ZNF106: variants seen among roughly 807,000 people sequenced by gnomAD.
ZNF106 encodes the protein SH3-domain binding protein 3.
ZNF106 carries 67 observed loss-of-function variants against 195.1 expected under a neutral mutation model. That is an observed-to-expected ratio of 0.34 (90% confidence interval 0.28 to 0.42). The LOEUF (loss-of-function observed/expected upper bound fraction) is 0.42, where lower values mean the gene tolerates loss of function less well. ZNF106 is among the 10% of genes least tolerant of loss of function. The pLI, the probability that ZNF106 is intolerant of heterozygous loss-of-function variation, is 1.00. For missense variants in ZNF106, 2,118 were observed against 2,304.5 expected (o/e 0.92, Z 1.66); for synonymous variants, 784 against 818.6 (o/e 0.96, Z 0.72).
Position 42,448,213 on chromosome 15 carries a change from T to C in ZNF106, c.2994A>G (p.Gly998=). The C allele has an allele frequency of 6.2e-7, 1 of 1,614,162 alleles. No homozygotes were observed. Among genetic ancestry groups the C allele is most frequent in the Non-Finnish European group, 8.5e-7 (1 of 1,180,026 alleles). The change falls in exon 6 of 22, where the codon GGA becomes GGG. Residue 998 remains glycine (G), a synonymous_variant. Transcript: ENST00000564754. ...CGCTTGATGACAGACAGTTTCCCTC[T>C]CCATTACTCTCCTGGGAATTCTGAT... ...SENQNSQESN[G]EGNCLSSSAS... is the part of the protein sequence containing the mutation.
intron 2 of ZNF106, among the ~76,000 whole-genome samples, chr15:42,466,985 T>C (rs941807770): frequency 5.9e-5 from 9 of 152,062 alleles, no homozygotes; most frequent in African/African-American, 2.2e-4. Context: ...ATACAAAAAT[T>C]AGCTGGGCGT....
intron 14 of ZNF106, among the ~76,000 whole-genome samples, chr15:42,432,564 G>A (rs903524673): frequency 2.0e-5 from 3 of 151,942 alleles, no homozygotes; most frequent in African/African-American, 4.8e-5. Context: ...AACCTATTTT[G>A]TCTTTACATT....
In ZNF106 at chr15:42,430,877, T is replaced by A. The variant is rs115823124; in HGVS notation, c.4882-2743A>T. Reference sequence around the variant, plus strand: ...CCTAGCTAGGCTTGAACTCCTGGCCTCAAATGATCCTCCCACCTCAACATC... The same window carrying A: ...CCTAGCTAGGCTTGAACTCCTGGCCACAAATGATCCTCCCACCTCAACATC... On this transcript the variant is annotated intron_variant, in intron 14 of 21. Transcript: ENST00000564754. 9.3e-3 allele frequency among the ~76,000 whole-genome samples: 1,412 copies of A among 152,080 alleles called. 50 individuals are homozygous for A. Among genetic ancestry groups the A allele is most frequent in the African/African-American group, 0.033 (1,361 of 41,338 alleles).
At chr15:42,461,568 G>A (rs919372836) in intron 3 of ZNF106, among the ~76,000 whole-genome samples, 4 of 152,100 alleles carry the variant, frequency 2.6e-5, no homozygotes, top group Non-Finnish European at 5.9e-5. Context: ...TGTTACTTAC[G>A]GCCCACACAT....
In ZNF106 at chr15:42,441,959, T is replaced by C. The variant is rs140275387; in HGVS notation, c.3763+114A>G. The C allele has an allele frequency of 1.4e-3, 1,033 of 722,312 alleles. 9 individuals carry two copies. In the African/African-American group the frequency reaches 0.017, roughly 12 times the overall value. 44.7% of individuals were successfully genotyped at this position (722,312 alleles called of 1,614,324 possible). A position where few individuals can be genotyped will look rare whatever the true frequency, so the allele number is the denominator to read the frequency against. ...TATGAAGAGAATTCCAGTGACAAAT[T>C]AGTTGTACTTGCTCATTTTAGTTTT... On this transcript the variant is annotated intron_variant, in intron 10 of 21. Coordinates refer to ENST00000564754, the MANE Select transcript of ZNF106 (RefSeq NM_001366845.3).
chr15:42,427,008 T>C (rs2054884911), intron 15 of ZNF106, among the ~76,000 whole-genome samples: 1 of 152,194 alleles, frequency 6.6e-6, no homozygotes, highest in Non-Finnish European at 1.5e-5. Flanking sequence ...ACACCTTCTG[T>C]TAGTTCCAGC....
At chr15:42,457,303 T>C in intron 3 of ZNF106, 145 bp from the exon 4 acceptor site, 1 of 1,516,524 alleles carries the variant, frequency 6.6e-7, no homozygotes, top group East Asian at 2.3e-5. Flanking sequence ...GCTCCTTTCA[T>C]CACTTTTAAT....
chr15:42,436,610 AGTTT>A (rs2055283284), intron 13 of ZNF106, among the ~76,000 whole-genome samples: 1 of 152,226 alleles, frequency 6.6e-6, no homozygotes, highest in African/African-American at 2.4e-5. Context: ...AAACATAATT[AGTTT>A]ATTAACAAAT....
At chr15:42,427,167 C>T (rs924101337) in intron 15 of ZNF106, among the ~76,000 whole-genome samples, 1 of 152,202 alleles carries the variant, frequency 6.6e-6, no homozygotes, top group Non-Finnish European at 1.5e-5. Flanking sequence ...CCCTTCTCTT[C>T]ATCCTGTTTA....
At chr15:42,452,453 G>A (rs1341105865) in intron 4 of ZNF106, among the ~76,000 whole-genome samples, 13 of 151,984 alleles carry the variant, frequency 8.6e-5, no homozygotes, top group Admixed American at 7.9e-4. Flanking sequence ...AACCCAGGAG[G>A]TGGAGGTTGC....
chr15:42,419,689 C>T (rs7166604), intron 20 of ZNF106, among the ~76,000 whole-genome samples: 63,089 of 152,084 alleles, frequency 0.41, 18,928 homozygotes, highest in African/African-American at 0.85. Context: ...CTGTGGCTCA[C>T]GCCTGTCATC....
At position 42,448,129 on chromosome 15, in the gene ZNF106, G is replaced by C; in HGVS notation, c.3078C>G (p.Thr1026=). Residue 1026 remains threonine, a synonymous_variant, in exon 6 of 22, where the codon ACC becomes ACG. Coordinates refer to ENST00000564754, the MANE Select transcript of ZNF106 (RefSeq NM_001366845.3). ...LADAATDSSC[T]SGAEQNDGQS... ...GGCCATCATTTTGTTCAGCACCAGA[G>C]GTACAGCTACTATCTGTGGCTGCAT... is the stretch of plus-strand genomic sequence containing the variant. 6.2e-7 allele frequency: 1 copy of C among 1,614,134 alleles called. No homozygotes were observed. The highest frequency in any genetic ancestry group is 1.1e-5 in the South Asian group (1 of 91,078).
intron 3 of ZNF106, among the ~76,000 whole-genome samples, chr15:42,458,791 C>CT (rs920875351): frequency 2.3e-4 from 32 of 141,184 alleles, no homozygotes; most frequent in Middle Eastern, 3.6e-3. Context: ...AAGGTGTTTT[C>CT]TTTTTTTTTT....
At chr15:42,420,770 T>A (rs2141257658) in intron 20 of ZNF106, among the ~76,000 whole-genome samples, 1 of 152,304 alleles carries the variant, frequency 6.6e-6, no homozygotes, top group African/African-American at 2.4e-5. Context: ...AACCAAACCA[T>A]TAACACTAGT....
intron 2 of ZNF106, 42 bp from the exon 3 acceptor site, chr15:42,466,156 C>CT: frequency 6.5e-6 from 9 of 1,386,392 alleles, no homozygotes; most frequent in Admixed American, 2.7e-5. Context: ...AGCAGGATTG[C>CT]TTTGAAAAAA....
intron 1 of ZNF106, among the ~76,000 whole-genome samples, chr15:42,477,564 C>T (rs1374097955): frequency 2.6e-5 from 4 of 152,152 alleles, no homozygotes; most frequent in Non-Finnish European, 5.9e-5. Context: ...ATCAACACAG[C>T]AAAATTCGTG....
At chr15:42,480,187 A>T (rs2056870486) in intron 1 of ZNF106, among the ~76,000 whole-genome samples, 1 of 152,182 alleles carries the variant, frequency 6.6e-6, no homozygotes, top group Non-Finnish European at 1.5e-5. Flanking sequence ...TTGTCTATTT[A>T]TTCCTTTAGT....
chr15:42,485,154 AAAC>A (rs758962101), intron 1 of ZNF106, among the ~76,000 whole-genome samples: 82 of 152,320 alleles, frequency 5.4e-4, no homozygotes, highest in Admixed American at 1.4e-3. Context: ...TACCTCAGAA[AAAC>A]AACAACAACA....
intron 1 of ZNF106, among the ~76,000 whole-genome samples, chr15:42,483,634 A>G (rs992672515): frequency 6.6e-6 from 1 of 152,172 alleles, no homozygotes; most frequent in Non-Finnish European, 1.5e-5. Flanking sequence ...GCATCTAATT[A>G]TGTAAGATAT....
Sources: gnomAD v4.1 joint callset for allele counts (sites outside exome capture counted in the v4.1 genomes callset) on GRCh38, gnomAD v4.1.1 for gene constraint, MANE v1.5 for transcripts, NCBI Gene and HGNC (gene_info 2026-07-23, HGNC 2026-07-21) for gene names.